Variants in TIMELESS observed in about 807,000 individuals in gnomAD.
TIMELESS encodes timeless circadian regulator, also known as protein timeless homolog.
A neutral mutation model predicts 164.3 loss-of-function variants in TIMELESS; 124 were observed. The ratio of observed to expected loss-of-function variants is 0.75; its 90% CI spans 0.65 to 0.88. TIMELESS has a LOEUF of 0.88. Ranked by LOEUF, TIMELESS falls within the 40% of genes least tolerant of loss-of-function variation. TIMELESS has a pLI of 0.00. For synonymous variants in TIMELESS, 564 were observed against 563.4 expected, an observed-to-expected ratio of 1.00 and a Z score of -0.02; for missense variants, 1,422 against 1,491.4, an observed-to-expected ratio of 0.95 and a Z score of 0.77.
At position 56,433,420 on chromosome 12, in the gene TIMELESS, A is replaced by G; in HGVS notation, c.390T>C (p.Phe130=). ...YKEAFASEKA[F]GVLSETLYEL... is the part of the protein sequence containing the mutation. ...CATACAAGGTTTCACTGAGGACTCC[A>G]AAAGCCTTCTCACTGGCAAAGGCCT... Residue 130 remains phenylalanine (F), a synonymous_variant, in exon 5 of 29, where the codon TTT becomes TTC. Transcript: ENST00000553532. The G allele has an allele frequency of 6.2e-7, 1 of 1,614,238 alleles. No homozygotes were observed. The highest frequency in any genetic ancestry group is 2.2e-5 in the East Asian group (1 of 44,886).
Position 56,423,590 on chromosome 12 carries a change from A to C in TIMELESS, c.2084T>G (p.Leu695Arg). Residue 695 changes from leucine to arginine, a missense_variant, in exon 17 of 29, where the codon CTG becomes CGG. Transcript: ENST00000553532. The part of the protein sequence containing the change: ...SEKEFNFLDY[L>R]KRFACSTVVR... ...CAGGCCTCTCAGCCCGCACCGTTTC[A>C]GGTAGTCCAGAAAATTAAATTCTTT... The C allele has an allele frequency of 6.2e-7, 1 of 1,614,124 alleles. No homozygotes were observed.
rs374029679 is a variant in TIMELESS, at chr12:56,432,376, C to T, written c.680G>A (p.Arg227His). 2.0e-5 allele frequency: 33 copies of T among 1,613,074 alleles called. No homozygotes were observed. Among genetic ancestry groups the T allele is most frequent in the African/African-American group, 2.7e-5 (2 of 74,884 alleles). The change falls in exon 7 of 29, where the codon CGT becomes CAT. Residue 227 changes from arginine to histidine, a missense_variant. Transcript: ENST00000553532. ...HVLEIVSLMF[R>H]DQNPEQLAGV... ...AATAGGCCAGGGTCTCACCTGGTCA[C>T]GAAACATAAGGGAGACAATCTCTAG... is the stretch of plus-strand genomic sequence containing the variant.
intron 1 of TIMELESS, among the ~76,000 whole-genome samples, chr12:56,440,856 C>T (rs1053562913): frequency 1.3e-5 from 2 of 152,188 alleles, no homozygotes; most frequent in African/African-American, 2.4e-5. Context: ...CTCCCTCTGT[C>T]ACCCAGGCTG....
chr12:56,431,682 G>C, intron 7 of TIMELESS, 78 bp from the exon 8 acceptor site: 4 of 1,534,286 alleles, frequency 2.6e-6, no homozygotes, highest in Non-Finnish European at 3.5e-6. Flanking sequence ...GGGATGCAAA[G>C]AGTGAACAAA....
rs181932565 is a variant in TIMELESS at position 56,447,332 on chromosome 12, T to C, written c.-62+1978A>G. Reference sequence around the variant, plus strand: ...GTTCCTCAGGTGATTCTAACTATCCTATGTTAACTGCACGAAAACGTAAAC... The same window carrying C: ...GTTCCTCAGGTGATTCTAACTATCCCATGTTAACTGCACGAAAACGTAAAC... On this transcript the variant is annotated intron_variant, in intron 1 of 28. Coordinates refer to ENST00000553532, the MANE Select transcript of TIMELESS (RefSeq NM_003920.5). Among the ~76,000 whole-genome samples, 364 of 152,206 alleles carry C rather than the reference T, an allele frequency of 2.4e-3. 2 individuals are homozygous for C. Among genetic ancestry groups the C allele is most frequent in the Non-Finnish European group, 4.1e-3 (280 of 68,012 alleles).
Position 56,433,399 on chromosome 12 carries a change from C to G in TIMELESS, c.411G>C (p.Leu137Phe). 1 of 1,614,174 alleles carries G rather than the reference C, an allele frequency of 6.2e-7. No individual in the cohort carries two copies. Among genetic ancestry groups the G allele is most frequent in the Non-Finnish European group, 8.5e-7 (1 of 1,180,032 alleles). Reference protein sequence around the residue: ...EKAFGVLSETLYELLQLGWEE... With the variant: ...EKAFGVLSETFYELLQLGWEE... ...CACTCACCAGCTGCAGCAGCTCATA[C>G]AAGGTTTCACTGAGGACTCCAAAAG... The change falls in exon 5 of 29, where the codon TTG becomes TTC. Residue 137 changes from leucine to phenylalanine, a missense_variant. Leu to Phe is a conservative substitution (Grantham distance 22). Coordinates refer to ENST00000553532, the MANE Select transcript of TIMELESS (RefSeq NM_003920.5).
intron 26 of TIMELESS, among the ~76,000 whole-genome samples, chr12:56,420,252 T>A (rs937949742): frequency 6.6e-6 from 1 of 151,884 alleles, no homozygotes; most frequent in Admixed American, 6.6e-5. Context: ...TAGATTTTGG[T>A]ATCTGTGGGC....
intron 1 of TIMELESS, among the ~76,000 whole-genome samples, chr12:56,437,029 T>C (rs1313239187): frequency 6.6e-6 from 1 of 151,892 alleles, no homozygotes; most frequent in Non-Finnish European, 1.5e-5. Flanking sequence ...CTCCCAGGTT[T>C]AAGTGATTCT....
chr12:56,440,133 CTTTTTTTTTT>C (rs33978004), intron 1 of TIMELESS, among the ~76,000 whole-genome samples: 2 of 87,650 alleles, frequency 2.3e-5, no homozygotes, highest in African/African-American at 8.6e-5. Context: ...TCAAATTAAC[CTTTTTTTTTT>C]TTTTTTTTTT....
intron 23 of TIMELESS, 88 bp from the exon 24 acceptor site, chr12:56,421,222 C>A: frequency 5.0e-6 from 8 of 1,590,492 alleles, no homozygotes; most frequent in Non-Finnish European, 6.0e-6. Flanking sequence ...ACCGCACCCC[C>A]CCGCGCCTGC....
rs373060585 is a variant in TIMELESS at position 56,441,754 on chromosome 12, G to A, written c.-61-7523C>T. Among the ~76,000 whole-genome samples, 8 of 151,798 alleles carry A rather than the reference G, an allele frequency of 5.3e-5. No homozygotes were observed. The South Asian group carries it at 1.2e-3, about 24-fold the overall frequency. ...GAACCTTCCTGGCAAAAGATAGCGT[G>A]CAGGTGCAATGGTAGCGCTAAAGAA... On this transcript the variant is annotated intron_variant, in intron 1 of 28. Coordinates refer to ENST00000553532, the MANE Select transcript of TIMELESS (RefSeq NM_003920.5).
chr12:56,440,989 TTTG>T (rs1015723637), intron 1 of TIMELESS, among the ~76,000 whole-genome samples: 1 of 113,586 alleles, frequency 8.8e-6, no homozygotes, highest in Non-Finnish European at 2.1e-5. Context: ...GGCTAATTTT[TTTG>T]TGTTTTGTAG....
chr12:56,430,193 C>T lies in TIMELESS; in HGVS notation c.998G>A (p.Arg333His), dbSNP rs144344864. ...QAARELSIQR[R>H]SALNVRLFLR... Reference sequence around the variant, plus strand: ...GAAGAGCCTCACATTGAGGGCAGAACGGCGCTGAATGGACAGCTCTCGGGC... The same window carrying T: ...GAAGAGCCTCACATTGAGGGCAGAATGGCGCTGAATGGACAGCTCTCGGGC... Residue 333 changes from arginine to histidine, a missense_variant, in exon 10 of 29, where the codon CGT becomes CAT. Arg to His is a conservative substitution (Grantham distance 29). Transcript: ENST00000553532. 1.4e-5 allele frequency: 23 copies of T among 1,614,092 alleles called. 1 individual carries two copies. The highest frequency in any genetic ancestry group is 6.7e-5 in the East Asian group (3 of 44,876).
rs889540813 is a variant in TIMELESS at position 56,417,308 on chromosome 12, C to T, written c.*408G>A. ...ATCTTCTAAAAGTGGTACAAAACTC[C>T]CGCCTGTCATGTCATAAAGCTCCCC... On this transcript the variant is annotated 3_prime_UTR_variant, in exon 29 of 29. Transcript: ENST00000553532. 2.1e-5 allele frequency: 4 copies of T among 189,282 alleles called. No individual in the cohort carries two copies. The highest frequency in any genetic ancestry group is 3.3e-5 in the Non-Finnish European group (3 of 90,062). 11.7% of individuals were successfully genotyped at this position (189,282 alleles called of 1,614,324 possible).
chr12:56,420,925 C>T (rs774316510), intron 24 of TIMELESS, 38 bp downstream of exon 24: 2 of 1,614,076 alleles, frequency 1.2e-6, no homozygotes, highest in South Asian at 2.2e-5. Context: ...ACTCCCAAGC[C>T]CTCCACCTGA....
At position 56,429,050 on chromosome 12, in the gene TIMELESS, CA is replaced by C. The variant is rs1393506069; in HGVS notation, c.1136del (p.Met379SerfsTer43). ...AGGCCATGAAGAAAGCCAAGGCCCACATATAATAGGTCTCATCATGCTGCTG... is the reference window on the plus strand; with the variant it reads ...AGGCCATGAAGAAAGCCAAGGCCCACTATAATAGGTCTCATCATGCTGCTG... ...KAQQHDETYYMWALAFFMAFN... is the reference protein window; with the variant it reads ...KAQQHDETYYXWALAFFMAFN... On this transcript the variant is annotated frameshift_variant, in exon 11 of 29. Transcript: ENST00000553532. LOFTEE classifies it high-confidence loss of function. 10 of 1,613,944 alleles carry C rather than the reference CA, an allele frequency of 6.2e-6. No homozygotes were observed. Among genetic ancestry groups the C allele is most frequent in the African/African-American group, 1.3e-5 (1 of 74,888 alleles).
At chr12:56,445,109 A>G (rs921976150) in intron 1 of TIMELESS, among the ~76,000 whole-genome samples, 3 of 151,998 alleles carry the variant, frequency 2.0e-5, no homozygotes, top group African/African-American at 7.3e-5. Context: ...TCAGTGAAGA[A>G]GGCTAAGAGT....
Position 56,421,024 on chromosome 12 carries a change from T to C in TIMELESS, c.2979A>G (p.Glu993=), listed in dbSNP as rs1175436582. ...AAAGGACTAAGCTACCCTGGACTTG[T>C]TCTGCTTCTGAGCCCCCTTCTTCTT... The part of the protein sequence containing the change: ...EEEEEGGSEA[E]QVQGSLVLSN... The change falls in exon 24 of 29, where the codon GAA becomes GAG. Residue 993 remains glutamate, a synonymous_variant. Transcript: ENST00000553532. 1 of 1,614,222 alleles carries C rather than the reference T, an allele frequency of 6.2e-7. No individual in the cohort carries two copies. The highest frequency in any genetic ancestry group is 2.2e-5 in the East Asian group (1 of 44,886).
rs1881904050 is a variant in TIMELESS, at chr12:56,432,022, T to C, written c.687+347A>G. On this transcript the variant is annotated intron_variant, in intron 7 of 28. Coordinates refer to ENST00000553532, the MANE Select transcript of TIMELESS (RefSeq NM_003920.5). ...CTAGTACATGACTAACAGGCGGGTA[T>C]ACACTGTGGATATGCTGGGCAGAGG... Among the ~76,000 whole-genome samples, 4 of 152,128 alleles carry C rather than the reference T, an allele frequency of 2.6e-5. No individual in the cohort carries two copies. The South Asian group carries it at 8.3e-4, about 32-fold the overall frequency.
Sources: allele counts gnomAD v4.1 joint callset (sites outside exome capture counted in the v4.1 genomes callset), GRCh38; gene constraint gnomAD v4.1.1; transcripts MANE v1.5; gene names NCBI Gene and HGNC (gene_info 2026-07-23, HGNC 2026-07-21).